Variants in SVIP observed in about 807,000 individuals in gnomAD.
SVIP encodes small VCP/p97-interacting protein.
Under a neutral mutation model 12.9 loss-of-function variants are expected in SVIP, and 14 were observed. The ratio of observed to expected loss-of-function variants is 1.08; its 90% CI spans 0.72 to 1.70. The LOEUF (loss-of-function observed/expected upper bound fraction) is 1.70, where lower values mean the gene tolerates loss of function less well. Among genes scored for constraint, SVIP ranks in the 40% most tolerant of loss-of-function variants. SVIP has a pLI of 0.00. For synonymous variants in SVIP, 35 were observed against 33.3 expected (o/e 1.05, Z -0.17); for missense variants, 93 against 90.8 (o/e 1.02, Z -0.10).
At position 22,821,051 on chromosome 11, in the gene SVIP, G is replaced by A. The variant is rs1353982903; in HGVS notation, c.*2068C>T. On this transcript the variant is annotated 3_prime_UTR_variant, in exon 4 of 4. Transcript: ENST00000354193. ...TGGACGTATGTGTGTATGTGCATGTGTGTGTGTGTATATACACACACATAT... is the reference window on the plus strand; with the variant it reads ...TGGACGTATGTGTGTATGTGCATGTATGTGTGTGTATATACACACACATAT... The A allele has an allele frequency of 6.7e-6, 1 of 149,962 alleles. No individual in the cohort carries two copies. Among genetic ancestry groups the A allele is most frequent in the Non-Finnish European group, 1.5e-5 (1 of 67,622 alleles). The allele number at this position is 149,962 out of a possible 1,614,324, so 9.3% of individuals were successfully genotyped here. A position where few individuals can be genotyped will look rare whatever the true frequency, so the allele number is the denominator to read the frequency against.
At position 22,827,173 on chromosome 11, in the gene SVIP, T is replaced by C. The variant is rs745788394; in HGVS notation, c.219+34A>G. 2.6e-6 allele frequency: 4 copies of C among 1,517,092 alleles called. No individual in the cohort carries two copies. In the Admixed American group the frequency reaches 6.9e-5, roughly 26 times the overall value. 94.0% of individuals were successfully genotyped at this position (1,517,092 alleles called of 1,614,324 possible). A position where few individuals can be genotyped will look rare whatever the true frequency, so the allele number is the denominator to read the frequency against. On this transcript the variant is annotated intron_variant, in intron 3 of 3. Coordinates refer to ENST00000354193, the MANE Select transcript of SVIP (RefSeq NM_148893.3). ...TACTTAAGTTTTTTTAAAATGCCAG[T>C]TAAGTTAATCACTAAGAAAATTTTA...
At chr11:22,827,136 T>C (rs920275313) in intron 3 of SVIP, 71 bp downstream of exon 3, 1 of 1,169,918 alleles carries the variant, frequency 8.5e-7, no homozygotes, top group Non-Finnish European at 1.3e-6. Context: ...GAGAAAATTA[T>C]GAATGGATTG....
chr11:22,829,414 G>A (rs1857860191), intron 1 of SVIP: 5 of 369,826 alleles, frequency 1.4e-5, no homozygotes, highest in Non-Finnish European at 2.4e-5. Flanking sequence ...GGCGCCCTAT[G>A]AAGATCCGGC....
chr11:22,822,993 A>G lies in SVIP; in HGVS notation c.*126T>C. Reference sequence around the variant, plus strand: ...CAACGTTTTTTTAGCATTGCACTTAAGGGCAATAATATTACAAAGTCTGAA... The same window carrying G: ...CAACGTTTTTTTAGCATTGCACTTAGGGGCAATAATATTACAAAGTCTGAA... On this transcript the variant is annotated 3_prime_UTR_variant, in exon 4 of 4. Transcript: ENST00000354193. 1 of 770,872 alleles carries G rather than the reference A, an allele frequency of 1.3e-6. No individual in the cohort carries two copies. Among genetic ancestry groups the G allele is most frequent in the Non-Finnish European group, 1.9e-6 (1 of 513,778 alleles). The allele number at this position is 770,872 out of a possible 1,614,324, so 47.8% of individuals were successfully genotyped here.
At position 22,828,573 on chromosome 11, in the gene SVIP, G is replaced by A. The variant is rs189314837; in HGVS notation, c.55-699C>T. ...TGGGGAATATATTTTGTTTAACGTG[G>A]TCAGCAAAAGCTTCACTGGTAAAGT... is the stretch of plus-strand genomic sequence containing the variant. On this transcript the variant is annotated intron_variant, in intron 1 of 3. Transcript: ENST00000354193. Among the ~76,000 whole-genome samples, 5 of 152,240 alleles carry A rather than the reference G, an allele frequency of 3.3e-5. No homozygotes were observed. The East Asian group carries it at 9.7e-4, about 29-fold the overall frequency.
Position 22,823,053 on chromosome 11 carries a change from T to G in SVIP, c.*66A>C. 1 of 1,357,556 alleles carries G rather than the reference T, an allele frequency of 7.4e-7. No individual in the cohort carries two copies. The highest frequency in any genetic ancestry group is 1.0e-6 in the Non-Finnish European group (1 of 985,518). The allele number at this position is 1,357,556 out of a possible 1,614,324, so 84.1% of individuals were successfully genotyped here. A position where few individuals can be genotyped will look rare whatever the true frequency, so the allele number is the denominator to read the frequency against. On this transcript the variant is annotated 3_prime_UTR_variant, in exon 4 of 4. Transcript: ENST00000354193. ...ACTCAAAGAGAAGAAATTAAATTGA[T>G]GAAGCCCACTTGATTGCAGATAATA... is the stretch of plus-strand genomic sequence containing the variant.
At position 22,827,819 on chromosome 11, in the gene SVIP, C is replaced by G; in HGVS notation, c.105+5G>C. 1.3e-6 allele frequency: 2 copies of G among 1,577,308 alleles called. No individual in the cohort carries two copies. The highest frequency in any genetic ancestry group is 1.7e-6 in the Non-Finnish European group (2 of 1,163,344). Reference sequence around the variant, plus strand: ...AAGTAGGCAAAACTTGATCTTTAATCTTACCTCTTTTTGTCTTCTCTCTGC... The same window carrying G: ...AAGTAGGCAAAACTTGATCTTTAATGTTACCTCTTTTTGTCTTCTCTCTGC... On this transcript the variant is annotated splice_donor_5th_base_variant and intron_variant, in intron 2 of 3. Coordinates refer to ENST00000354193, the MANE Select transcript of SVIP (RefSeq NM_148893.3).
At chr11:22,829,556 G>C (rs1439652788) in intron 1 of SVIP, 139 bp downstream of exon 1, 3 of 830,978 alleles carry the variant, frequency 3.6e-6, no homozygotes, top group South Asian at 1.7e-5. Context: ...CTCCTGACGC[G>C]TCCACCCGTC....
Position 22,829,770 on chromosome 11 carries a change from C to G in SVIP, c.-22G>C. The G allele has an allele frequency of 6.3e-7, 1 of 1,596,842 alleles. No individual in the cohort carries two copies. The highest frequency in any genetic ancestry group is 8.5e-7 in the Non-Finnish European group (1 of 1,172,690). On this transcript the variant is annotated 5_prime_UTR_variant, in exon 1 of 4. Transcript: ENST00000354193. ...CCATAGGGACGACAGCTTGAGAACC[C>G]TGACCGGGTCCGGCCCAGGCCAGGC...
chr11:22,824,443 C>CATATTTATATAT (rs1211029468), intron 3 of SVIP, among the ~76,000 whole-genome samples: 1 of 111,190 alleles, frequency 9.0e-6, no homozygotes, highest in East Asian at 2.2e-4. Context: ...TATACACACA[C>CATATTTATATAT]ACATATATAT....
Position 22,819,443 on chromosome 11 carries a change from A to G in SVIP, c.*3676T>C, listed in dbSNP as rs532198921. 2.0e-5 allele frequency: 3 copies of G among 152,340 alleles called. No individual in the cohort carries two copies. In the East Asian group the frequency reaches 5.8e-4, roughly 29 times the overall value. The allele number at this position is 152,340 out of a possible 1,614,324, so 9.4% of individuals were successfully genotyped here. ...CCTGTTTTGATAACTAGAAGACATTAACTCAAAACTCAACACAAATTTGGT... is the reference window on the plus strand; with the variant it reads ...CCTGTTTTGATAACTAGAAGACATTGACTCAAAACTCAACACAAATTTGGT... On this transcript the variant is annotated 3_prime_UTR_variant, in exon 4 of 4. Coordinates refer to ENST00000354193, the MANE Select transcript of SVIP (RefSeq NM_148893.3).
intron 3 of SVIP, among the ~76,000 whole-genome samples, chr11:22,824,463 C>CGTATATATATATGTATATATATACGT (rs1564905965): frequency 6.1e-5 from 7 of 115,094 alleles, no homozygotes; most frequent in East Asian, 2.3e-4. Context: ...TATATATACA[C>CGTATATATATATGTATATATATACGT]ATATATATAC....
chr11:22,820,628 T>C lies in SVIP; in HGVS notation c.*2491A>G, dbSNP rs937546131. The C allele has an allele frequency of 6.6e-6, 1 of 152,194 alleles. No individual in the cohort carries two copies. The highest frequency in any genetic ancestry group is 1.5e-5 in the Non-Finnish European group (1 of 68,014). 9.4% of individuals were successfully genotyped at this position (152,194 alleles called of 1,614,324 possible). A position where few individuals can be genotyped will look rare whatever the true frequency, so the allele number is the denominator to read the frequency against. On this transcript the variant is annotated 3_prime_UTR_variant, in exon 4 of 4. Transcript: ENST00000354193. Reference sequence around the variant, plus strand: ...TAATTTTTACATAGAAAAAAATGTATATTTATATCCCTAAAAGGCAATACA... The same window carrying C: ...TAATTTTTACATAGAAAAAAATGTACATTTATATCCCTAAAAGGCAATACA...
chr11:22,823,768 C>T (rs1222790716), intron 3 of SVIP, among the ~76,000 whole-genome samples: 2 of 152,142 alleles, frequency 1.3e-5, no homozygotes, highest in East Asian at 1.9e-4. Context: ...CTCACTCTAT[C>T]GCCCAGGCTG....
chr11:22,826,843 A>ACCC (rs1857725710), intron 3 of SVIP, among the ~76,000 whole-genome samples: 3 of 152,310 alleles, frequency 2.0e-5, no homozygotes, highest in South Asian at 2.1e-4. Flanking sequence ...AAGATATATA[A>ACCC]ATGAAGGTTA....
At chr11:22,824,691 T>A (rs147838347) in intron 3 of SVIP, among the ~76,000 whole-genome samples, 1 of 152,196 alleles carries the variant, frequency 6.6e-6, no homozygotes, top group African/African-American at 2.4e-5. Flanking sequence ...TTTATTCCCA[T>A]GGGACTCTAT....
rs1554915354 is a variant in SVIP, at chr11:22,821,179, C to CA, written c.*1939_*1940insT. 6 of 140,776 alleles carry CA rather than the reference C, an allele frequency of 4.3e-5. No individual in the cohort carries two copies. Among genetic ancestry groups the CA allele is most frequent in the African/African-American group, 1.3e-4 (5 of 38,372 alleles). 8.7% of individuals were successfully genotyped at this position (140,776 alleles called of 1,614,324 possible). ...TTTTAGTCATGTTTTTAGTCATTTGCTTTTTTTTTTAGTCATTTACCGGTT... is the reference window on the plus strand; with the variant it reads ...TTTTAGTCATGTTTTTAGTCATTTGCATTTTTTTTTTAGTCATTTACCGGTT... On this transcript the variant is annotated 3_prime_UTR_variant, in exon 4 of 4. Coordinates refer to ENST00000354193, the MANE Select transcript of SVIP (RefSeq NM_148893.3).
chr11:22,821,114 A>G lies in SVIP; in HGVS notation c.*2005T>C, dbSNP rs1857467971. 1 of 145,650 alleles carries G rather than the reference A, an allele frequency of 6.9e-6. No homozygotes were observed. Among genetic ancestry groups the G allele is most frequent in the African/African-American group, 2.5e-5 (1 of 39,822 alleles). 9.0% of individuals were successfully genotyped at this position (145,650 alleles called of 1,614,324 possible). On this transcript the variant is annotated 3_prime_UTR_variant, in exon 4 of 4. Coordinates refer to ENST00000354193, the MANE Select transcript of SVIP (RefSeq NM_148893.3). ...TTGCAGATATTATGTGTATATATAT[A>G]CACACATATATAATATATATATTAT...
chr11:22,825,286 C>G (rs1020591932), intron 3 of SVIP, among the ~76,000 whole-genome samples: 1 of 152,058 alleles, frequency 6.6e-6, no homozygotes, highest in African/African-American at 2.4e-5. Context: ...GTACTTCTGC[C>G]TTGTATTTTT....
Sources: allele counts gnomAD v4.1 joint callset (sites outside exome capture counted in the v4.1 genomes callset), GRCh38; gene constraint gnomAD v4.1.1; transcripts MANE v1.5; gene names NCBI Gene and HGNC (gene_info 2026-07-23, HGNC 2026-07-21).